Variants in ASAP2 observed in about 807,000 individuals in gnomAD.
ASAP2 encodes the protein ArfGAP with SH3 domain, ankyrin repeat and PH domain 2, also known as arf-GAP with SH3 domain, ANK repeat and PH domain-containing protein 2.
Under a neutral mutation model 131.4 loss-of-function variants are expected in ASAP2, and 45 were observed. That is an observed-to-expected ratio of 0.34 (90% confidence interval 0.27 to 0.44). The LOEUF is 0.44. ASAP2 is among the 20% of genes least tolerant of loss of function. The probability of loss-of-function intolerance (pLI) is 1.00; values close to 1 mark genes in which losing one functional copy is unlikely to be tolerated. For synonymous variants in ASAP2, 510 were observed against 503.0 expected (o/e 1.01, Z -0.19); for missense variants, 1,011 against 1,297.0 (o/e 0.78, Z 3.39).
At chr2:9,218,802 G>C (rs1281345419) in intron 1 of ASAP2, among the ~76,000 whole-genome samples, 1 of 152,142 alleles carries the variant, frequency 6.6e-6, no homozygotes, top group African/African-American at 2.4e-5. Context: ...TTTTTTGGCT[G>C]TCGTCTCTGT....
Position 9,360,989 on chromosome 2 carries a change from G to A in ASAP2, c.1461+2100G>A, listed in dbSNP as rs1023202837. ...TGAGACTGAGTTGCCTACTAAAGAA[G>A]AAAATGCCAAAGAAAGGTGAAAGGA... On this transcript the variant is annotated intron_variant, in intron 15 of 27. Transcript: ENST00000281419. 5.3e-5 allele frequency among the ~76,000 whole-genome samples: 8 copies of A among 152,228 alleles called. No individual in the cohort carries two copies. In the East Asian group the frequency reaches 1.5e-3, roughly 29 times the overall value.
chr2:9,312,209 A>G (rs898728437), intron 3 of ASAP2, among the ~76,000 whole-genome samples: 1 of 152,166 alleles, frequency 6.6e-6, no homozygotes, highest in Admixed American at 6.5e-5. Flanking sequence ...CCAGGCAACC[A>G]CTGATCTACT....
At chr2:9,218,229 T>G (rs1467493844) in intron 1 of ASAP2, among the ~76,000 whole-genome samples, 1 of 152,204 alleles carries the variant, frequency 6.6e-6, no homozygotes, top group Non-Finnish European at 1.5e-5. Flanking sequence ...GTTTCCTTAG[T>G]GCAGGTTAAT....
chr2:9,301,273 A>C (rs528377896), intron 3 of ASAP2, among the ~76,000 whole-genome samples: 1 of 152,338 alleles, frequency 6.6e-6, no homozygotes, highest in South Asian at 2.1e-4. Context: ...AAGCAGTTGG[A>C]AGATCTCCAG....
intron 1 of ASAP2, among the ~76,000 whole-genome samples, chr2:9,276,218 TG>T (rs1335157282): frequency 1.3e-5 from 2 of 152,162 alleles, no homozygotes; most frequent in Non-Finnish European, 2.9e-5. Flanking sequence ...CAGGGCATTA[TG>T]GGAAAAGCTG....
intron 16 of ASAP2, among the ~76,000 whole-genome samples, chr2:9,369,665 AAT>A (rs1457996838): frequency 1.3e-5 from 2 of 152,176 alleles, no homozygotes; most frequent in Non-Finnish European, 2.9e-5. Context: ...AAAAATGAAA[AAT>A]ATGTGATAAG....
At chr2:9,302,122 C>CTTT (rs60869426) in intron 3 of ASAP2, among the ~76,000 whole-genome samples, 18,875 of 102,924 alleles carry the variant, frequency 0.18, 2,059 homozygotes, top group Non-Finnish European at 0.27. Context: ...CGCGCCCGGC[C>CTTT]TTTTTTTTTT....
chr2:9,255,048 C>A (rs895922543), intron 1 of ASAP2, among the ~76,000 whole-genome samples: 27 of 152,212 alleles, frequency 1.8e-4, no homozygotes, highest in African/African-American at 6.5e-4. Flanking sequence ...TTCCACTAAC[C>A]ACGTATGAGA....
At chr2:9,275,098 T>G (rs1572327541) in intron 1 of ASAP2, among the ~76,000 whole-genome samples, 1 of 151,460 alleles carries the variant, frequency 6.6e-6, no homozygotes, top group African/African-American at 2.4e-5. Context: ...TTTTTTTTTT[T>G]AAGAGACAGG....
At chr2:9,346,643 T>A (rs186807934) in intron 11 of ASAP2, among the ~76,000 whole-genome samples, 3 of 152,336 alleles carry the variant, frequency 2.0e-5, no homozygotes, top group Non-Finnish European at 4.4e-5. Context: ...ACTCGCTGTT[T>A]GTTTGAACTC....
intron 1 of ASAP2, among the ~76,000 whole-genome samples, chr2:9,216,667 G>A (rs1039957482): frequency 2.0e-5 from 3 of 151,772 alleles, no homozygotes; most frequent in African/African-American, 7.3e-5. Context: ...TGCCATGTTG[G>A]GCAGGCTGGT....
At position 9,389,604 on chromosome 2, in the gene ASAP2, C is replaced by T. The variant is rs187462207; in HGVS notation, c.2383+1058C>T. Among the ~76,000 whole-genome samples the T allele has an allele frequency of 6.6e-6, 1 of 152,104 alleles. No individual in the cohort carries two copies. Among genetic ancestry groups the T allele is most frequent in the African/African-American group, 2.4e-5 (1 of 41,410 alleles). ...CCTGCCGTCCTGGGTGTCTCACAGA[C>T]CCTCACACGGCTCTGCCCCTGTCAT... On this transcript the variant is annotated intron_variant, in intron 22 of 27. Coordinates refer to ENST00000281419, the MANE Select transcript of ASAP2 (RefSeq NM_003887.3). This position sits in a 1 kb window ranked among gnomAD's most constrained non-coding sequence, Gnocchi z 4.7.
intron 2 of ASAP2, among the ~76,000 whole-genome samples, chr2:9,292,440 C>T (rs1667875160): frequency 6.6e-6 from 1 of 152,138 alleles, no homozygotes; most frequent in South Asian, 2.1e-4. Context: ...ATCACTTGAA[C>T]CCAGGAGTTG....
intron 27 of ASAP2, among the ~76,000 whole-genome samples, chr2:9,401,994 A>G (rs562697091): frequency 2.0e-5 from 3 of 152,324 alleles, no homozygotes; most frequent in South Asian, 2.1e-4. Context: ...AGCTGCAGAC[A>G]GTGAGGGCGG....
rs562485771 is a variant in ASAP2 at position 9,400,772 on chromosome 2, C to T, written c.2765C>T (p.Pro922Leu). 24 of 1,613,776 alleles carry T rather than the reference C, an allele frequency of 1.5e-5. No homozygotes were observed. In the East Asian group the frequency reaches 4.0e-4, roughly 27 times the overall value. ...CTCTCTGCAACGGAAGCTCTGGGTC[C>T]TCTGTCCAATGCTATGGTCCTGCAG... ...VDLSATEALG[P>L]LSNAMVLQPP... Residue 922 changes from proline (P) to leucine (L), a missense_variant, in exon 26 of 28, where the codon CCT (proline) becomes CTT (leucine). Around this residue, in one of 2 missense-constraint regions of ASAP2, gnomAD observed 652 missense variants for 698.9 expected, o/e 0.93. Transcript: ENST00000281419.
chr2:9,405,568 T>C lies in ASAP2; in HGVS notation c.*2241T>C, dbSNP rs1677156213. The C allele has an allele frequency of 1.3e-5, 2 of 152,660 alleles. No individual in the cohort carries two copies. Among genetic ancestry groups the C allele is most frequent in the Admixed American group, 6.5e-5 (1 of 15,284 alleles). The allele number at this position is 152,660 out of a possible 1,614,324, so 9.5% of individuals were successfully genotyped here. A position where few individuals can be genotyped will look rare whatever the true frequency, so the allele number is the denominator to read the frequency against. On this transcript the variant is annotated 3_prime_UTR_variant, in exon 28 of 28. Coordinates refer to ENST00000281419, the MANE Select transcript of ASAP2 (RefSeq NM_003887.3). Reference sequence around the variant, plus strand: ...TATATATTGTATAACCGAAATTGATTATTTTCATTGTCCTTAATGCAGTGA... The same window carrying C: ...TATATATTGTATAACCGAAATTGATCATTTTCATTGTCCTTAATGCAGTGA...
chr2:9,338,962 G>A (rs1388901134), intron 9 of ASAP2, among the ~76,000 whole-genome samples: 2 of 152,272 alleles, frequency 1.3e-5, no homozygotes, highest in Admixed American at 6.5e-5. Context: ...TGGATTGCTT[G>A]AGTCCAGGAG....
intron 5 of ASAP2, among the ~76,000 whole-genome samples, chr2:9,321,913 G>A (rs189919652): frequency 6.6e-6 from 1 of 152,166 alleles, no homozygotes; most frequent in Non-Finnish European, 1.5e-5. Context: ...TAATGTGGGA[G>A]ATTCATTTAT....
chr2:9,317,118 T>TCACTCACATCCACATTCACA (rs1207233181), intron 3 of ASAP2, among the ~76,000 whole-genome samples: 7 of 16,708 alleles, frequency 4.2e-4, no homozygotes, highest in South Asian at 2.4e-3. Context: ...CCCCACGCAA[T>TCACTCACATCCACATTCACA]CACAACCACA....
Sources: allele counts gnomAD v4.1 joint callset (sites outside exome capture counted in the v4.1 genomes callset), GRCh38; gene constraint gnomAD v4.1.1; regional missense constraint gnomAD v4.1.1; non-coding constraint Gnocchi (gnomAD v3.1); transcripts MANE v1.5; gene names NCBI Gene and HGNC (gene_info 2026-07-23, HGNC 2026-07-21).